The following ADGRL2 variants were observed in gnomAD, a reference collection of about 807,000 sequenced individuals.
The protein encoded by ADGRL2 is calcium-independent alpha-latrotoxin receptor 2.
Under a neutral mutation model 157.4 loss-of-function variants are expected in ADGRL2, and 44 were observed. That is an observed-to-expected ratio of 0.28 (90% CI 0.22 to 0.36). The LOEUF is 0.36. Ranked by LOEUF, ADGRL2 falls within the 10% of genes least tolerant of loss-of-function variation. The probability of loss-of-function intolerance (pLI) is 1.00; values close to 1 mark genes in which losing one functional copy is unlikely to be tolerated. For missense variants in ADGRL2, 1,510 were observed against 1,768.9 expected (o/e 0.85, Z 2.63); for synonymous variants, 585 against 624.7 (o/e 0.94, Z 0.95).
intron 2 of ADGRL2, among the ~76,000 whole-genome samples, chr1:81,498,135 G>T (rs544593150): frequency 3.3e-5 from 5 of 152,286 alleles, no homozygotes; most frequent in African/African-American, 1.2e-4. Flanking sequence ...GGATGGTAAA[G>T]AAGACAGTAA....
At chr1:81,513,453 G>T (rs2079115370) in intron 2 of ADGRL2, among the ~76,000 whole-genome samples, 1 of 152,132 alleles carries the variant, frequency 6.6e-6, no homozygotes, top group African/African-American at 2.4e-5. Context: ...AATATTCACT[G>T]AGCTTCTACT....
intron 2 of ADGRL2, among the ~76,000 whole-genome samples, chr1:81,532,887 G>A (rs1412556005): frequency 2.0e-5 from 3 of 151,874 alleles, no homozygotes; most frequent in Admixed American, 1.3e-4. Context: ...CTGAACCACT[G>A]AACTGTAGTC....
At chr1:81,487,080 C>A (rs149477070) in intron 2 of ADGRL2, among the ~76,000 whole-genome samples, 1 of 129,094 alleles carries the variant, frequency 7.7e-6, no homozygotes, top group African/African-American at 3.0e-5. Flanking sequence ...CATAGGGAGA[C>A]CTCATCTCTA....
chr1:81,591,407 G>A (rs1320939054), intron 3 of ADGRL2, among the ~76,000 whole-genome samples: 1 of 152,126 alleles, frequency 6.6e-6, no homozygotes, highest in East Asian at 1.9e-4. Flanking sequence ...AATGAGCCAT[G>A]AGCCTGATCT....
At chr1:81,839,810 CAT>C (rs1423998018) in intron 2 of ADGRL2, among the ~76,000 whole-genome samples, 7 of 139,024 alleles carry the variant, frequency 5.0e-5, no homozygotes, top group Admixed American at 3.0e-4. Flanking sequence ...TATTTTCCAT[CAT>C]ATATATATGT....
At chr1:81,607,991 C>T (rs1340070127) in intron 3 of ADGRL2, among the ~76,000 whole-genome samples, 3 of 152,104 alleles carry the variant, frequency 2.0e-5, no homozygotes, top group Non-Finnish European at 4.4e-5. Context: ...AAGCGAAACA[C>T]CTTCATAATA....
At chr1:81,612,040 A>G (rs1570635919) in intron 3 of ADGRL2, among the ~76,000 whole-genome samples, 1 of 152,272 alleles carries the variant, frequency 6.6e-6, no homozygotes, top group East Asian at 1.9e-4. Flanking sequence ...GCCATACCAA[A>G]TTATGAGTCA....
chr1:81,432,648 T>C (rs2077341924), intron 1 of ADGRL2, among the ~76,000 whole-genome samples: 1 of 152,206 alleles, frequency 6.6e-6, no homozygotes, highest in Non-Finnish European at 1.5e-5. Flanking sequence ...AGACCATGCC[T>C]GTTTCATCTT....
At chr1:81,457,209 C>T (rs2077825605) in intron 2 of ADGRL2, among the ~76,000 whole-genome samples, 1 of 152,034 alleles carries the variant, frequency 6.6e-6, no homozygotes, top group African/African-American at 2.4e-5. Flanking sequence ...CCTTTCTTTC[C>T]CCTACAATAT....
intron 13 of ADGRL2, 37 bp from the exon 14 acceptor site, chr1:81,967,989 T>C (rs773248972): frequency 6.4e-7 from 1 of 1,559,502 alleles, no homozygotes; most frequent in South Asian, 1.1e-5. Flanking sequence ...TCTTAGAATA[T>C]AAAATCCTAA....
chr1:81,836,114 A>G (rs2092266312), intron 1 of ADGRL2, among the ~76,000 whole-genome samples: 1 of 152,068 alleles, frequency 6.6e-6, no homozygotes, highest in African/African-American at 2.4e-5. Flanking sequence ...GAAATGATGT[A>G]ATGAGTTTGT....
chr1:81,376,105 CTGAG>C (rs1236772643), intron 1 of ADGRL2, among the ~76,000 whole-genome samples: 1 of 152,168 alleles, frequency 6.6e-6, no homozygotes, highest in East Asian at 1.9e-4. Context: ...CCTTACTGGG[CTGAG>C]TAATACAGAT....
At chr1:81,356,952 C>CAAAAAAAAAAAAAAAAAAAAAAAAAAAAA (rs757239865) in intron 1 of ADGRL2, among the ~76,000 whole-genome samples, 8 of 55,668 alleles carry the variant, frequency 1.4e-4, no homozygotes, top group African/African-American at 5.2e-4. Context: ...GACTCCGTCT[C>CAAAAAAAAAAAAAAAAAAAAAAAAAAAAA]AAAAAAAAAA....
At chr1:81,890,951 C>T (rs370075759) in intron 2 of ADGRL2, among the ~76,000 whole-genome samples, 23 of 152,092 alleles carry the variant, frequency 1.5e-4, no homozygotes, top group African/African-American at 5.6e-4. Flanking sequence ...ACCCAAGTCC[C>T]GTTTCTTGGT....
chr1:81,741,496 T>C (rs1471045829), intron 1 of ADGRL2, among the ~76,000 whole-genome samples: 2 of 152,074 alleles, frequency 1.3e-5, no homozygotes, highest in African/African-American at 4.8e-5. Flanking sequence ...CGTAGAGTAT[T>C]ACCTTTACTT....
chr1:81,623,472 T>C (rs2081840726), intron 3 of ADGRL2, among the ~76,000 whole-genome samples: 1 of 152,086 alleles, frequency 6.6e-6, no homozygotes, highest in South Asian at 2.1e-4. Context: ...TAGGTTATTG[T>C]TGTGGGTTGA....
chr1:81,633,906 T>A (rs1274631717), intron 3 of ADGRL2, among the ~76,000 whole-genome samples: 1 of 152,210 alleles, frequency 6.6e-6, no homozygotes, highest in Non-Finnish European at 1.5e-5. Flanking sequence ...GTAACATAAA[T>A]GACTCTGGAC....
chr1:81,396,730 T>C (rs1462585480), intron 1 of ADGRL2, among the ~76,000 whole-genome samples: 1 of 152,230 alleles, frequency 6.6e-6, no homozygotes, highest in African/African-American at 2.4e-5. Context: ...CAAATGCTTT[T>C]TCTTCATCTA....
intron 2 of ADGRL2, among the ~76,000 whole-genome samples, chr1:81,566,717 A>G (rs538128558): frequency 6.6e-6 from 1 of 152,252 alleles, no homozygotes; most frequent in South Asian, 2.1e-4. Context: ...AGAGAACAGG[A>G]AAAGGGTGAC....
Sources: allele counts gnomAD v4.1 joint callset (sites outside exome capture counted in the v4.1 genomes callset), GRCh38; gene constraint gnomAD v4.1.1; transcripts MANE v1.5; gene names NCBI Gene and HGNC (gene_info 2026-07-23, HGNC 2026-07-21).